Variants in WDR86 observed in about 807,000 individuals in gnomAD.
WDR86 encodes WD repeat domain 86.
Under a neutral mutation model 36.5 loss-of-function variants are expected in WDR86, and 30 were observed. That is an observed-to-expected ratio of 0.82 (90% CI 0.61 to 1.11). WDR86 has a LOEUF of 1.11. Among genes scored for constraint, WDR86 ranks in the 50% most tolerant of loss-of-function variants. The probability of loss-of-function intolerance (pLI) is 0.00; values close to 1 mark genes in which losing one functional copy is unlikely to be tolerated. For missense variants in WDR86, 545 were observed against 561.2 expected, an observed-to-expected ratio of 0.97 and a Z score of 0.29; for synonymous variants, 255 against 252.9, an observed-to-expected ratio of 1.01 and a Z score of -0.08.
In WDR86 at chr7:151,381,688, A is replaced by C; in HGVS notation, c.1025T>G (p.Val342Gly). 2 of 1,438,776 alleles carry C rather than the reference A, an allele frequency of 1.4e-6. No homozygotes were observed. 89.1% of individuals were successfully genotyped at this position (1,438,776 alleles called of 1,614,324 possible). ...SHDGALRLWD[V>G]RGLRGAPRPP... ...CCGCGGGGCACCTCGGAGCCCGCGC[A>C]CGTCCCAGAGGCGCAGGGCGCCGTC... is the stretch of plus-strand genomic sequence containing the variant. The change falls in exon 6 of 6, where the codon GTG (valine) becomes GGG (glycine). Residue 342 changes from valine (V) to glycine (G), a missense_variant. Transcript: ENST00000334493. This position sits in a 1 kb window ranked among gnomAD's most constrained non-coding sequence, Gnocchi z 4.8.
At chr7:151,380,277 C>G (rs935995818), downstream of WDR86, among the ~76,000 whole-genome samples, 2 of 152,216 alleles carry the variant, frequency 1.3e-5, no homozygotes, top group Non-Finnish European at 2.9e-5. Context: ...CAATCCCTAC[C>G]TGTTCATCCG....
chr7:151,386,454 CCT>C (rs1798987084), intron 3 of WDR86, among the ~76,000 whole-genome samples: 1 of 152,172 alleles, frequency 6.6e-6, no homozygotes, highest in Non-Finnish European at 1.5e-5. Flanking sequence ...AGTCACCTGC[CCT>C]CTCTCAGGCC....
chr7:151,410,635 T>C (rs1801139599), upstream of WDR86: 3 of 152,164 alleles, frequency 2.0e-5, no homozygotes, highest in South Asian at 4.1e-4. Context: ...GCGCCTCTAA[T>C]GGACCCCGGG....
intron 4 of WDR86, 74 bp downstream of exon 4, chr7:151,385,014 C>T (rs1798862122): frequency 6.8e-7 from 1 of 1,472,800 alleles, no homozygotes; most frequent in Non-Finnish European, 9.1e-7. Flanking sequence ...AGGGAAAATC[C>T]CATAGGAAGT....
downstream of WDR86, among the ~76,000 whole-genome samples, chr7:151,379,641 T>C (rs545492302): frequency 6.6e-6 from 1 of 152,302 alleles, no homozygotes; most frequent in Non-Finnish European, 1.5e-5. Flanking sequence ...CAAAGCTCTC[T>C]GTGCAATGGA....
intron 1 of WDR86, among the ~76,000 whole-genome samples, chr7:151,407,300 A>G (rs1410872372): frequency 2.0e-5 from 3 of 152,210 alleles, no homozygotes; most frequent in Admixed American, 6.5e-5. Flanking sequence ...TGAAGGAAGG[A>G]GGCACAGGTG....
At chr7:151,400,948 A>G (rs1342583479) in intron 1 of WDR86, among the ~76,000 whole-genome samples, 1 of 152,232 alleles carries the variant, frequency 6.6e-6, no homozygotes, top group East Asian at 1.9e-4. Flanking sequence ...CCCTTTGCTC[A>G]TTACAATAGT....
At position 151,409,645 on chromosome 7, in the gene WDR86, C is replaced by T; in HGVS notation, c.-56G>A. On this transcript the variant is annotated 5_prime_UTR_variant, in exon 1 of 6. Coordinates refer to ENST00000334493, the MANE Select transcript of WDR86 (RefSeq NM_198285.3). The surrounding 1 kb of genome is among the most constrained non-coding windows in gnomAD (Gnocchi z 5.2). ...CTGCGCCCCGCTAGGGAGGGGCGCCCCGGGGTCCGCGCGGCGGCTCCGTAC... is the reference window on the plus strand; with the variant it reads ...CTGCGCCCCGCTAGGGAGGGGCGCCTCGGGGTCCGCGCGGCGGCTCCGTAC... 7.6e-7 allele frequency: 1 copy of T among 1,318,114 alleles called. No homozygotes were observed. The allele number at this position is 1,318,114 out of a possible 1,614,324, so 81.7% of individuals were successfully genotyped here.
intron 2 of WDR86, 72 bp from the exon 3 acceptor site, chr7:151,396,268 C>A: frequency 2.0e-6 from 3 of 1,536,354 alleles, no homozygotes; most frequent in Non-Finnish European, 1.8e-6. Context: ...TCCCGACATG[C>A]CATGCTCGGC....
At chr7:151,389,118 C>CTTTTTTT (rs34882878) in intron 3 of WDR86, among the ~76,000 whole-genome samples, 9 of 125,574 alleles carry the variant, frequency 7.2e-5, no homozygotes, top group Non-Finnish European at 8.3e-5. Context: ...CTTTTCTTTC[C>CTTTTTTT]TTTTTTTTTT....
intron 1 of WDR86, among the ~76,000 whole-genome samples, chr7:151,403,094 C>T (rs892431211): frequency 3.9e-5 from 6 of 152,268 alleles, no homozygotes; most frequent in Non-Finnish European, 5.9e-5. Flanking sequence ...ATGACACCCA[C>T]TGCGATGGCT....
At chr7:151,374,196 CA>C (rs757021231), downstream of WDR86, 1 of 1,571,654 alleles carries the variant, frequency 6.4e-7, no homozygotes, top group Non-Finnish European at 8.6e-7. Context: ...GCACGCGGCC[CA>C]GCAGGTACTC....
chr7:151,408,940 G>A (rs891220100), intron 1 of WDR86: 2 of 472,138 alleles, frequency 4.2e-6, no homozygotes, highest in Non-Finnish European at 8.8e-6. Flanking sequence ...GTGTGACGAC[G>A]GCACACTTCT....
At chr7:151,383,663 G>A (rs1202435965) in intron 4 of WDR86, among the ~76,000 whole-genome samples, 1 of 152,174 alleles carries the variant, frequency 6.6e-6, no homozygotes. Context: ...GCCCCAGAGG[G>A]GAAGTTTCAT....
At chr7:151,375,317 TG>T (rs1222797515), downstream of WDR86, among the ~76,000 whole-genome samples, 3 of 152,330 alleles carry the variant, frequency 2.0e-5, no homozygotes, top group East Asian at 3.9e-4. Context: ...AAGGGACTGA[TG>T]GGTCTCAAAA....
intron 1 of WDR86, among the ~76,000 whole-genome samples, chr7:151,404,223 A>C (rs1346217304): frequency 6.7e-6 from 1 of 148,618 alleles, no homozygotes; most frequent in African/African-American, 2.4e-5. Context: ...GATGAAAGGA[A>C]GGTTTAAAAA....
At chr7:151,400,845 G>A (rs1449944105) in intron 1 of WDR86, among the ~76,000 whole-genome samples, 1 of 152,240 alleles carries the variant, frequency 6.6e-6, no homozygotes, top group Non-Finnish European at 1.5e-5. Flanking sequence ...CATTCGCACT[G>A]CAGGCAAGCT....
chr7:151,385,658 G>A (rs989380376), intron 3 of WDR86, among the ~76,000 whole-genome samples: 1 of 152,196 alleles, frequency 6.6e-6, no homozygotes, highest in Non-Finnish European at 1.5e-5. Context: ...AGCCCTGAGC[G>A]AGGGTGTGAG....
At chr7:151,394,182 C>T (rs1585020654) in intron 3 of WDR86, among the ~76,000 whole-genome samples, 1 of 152,278 alleles carries the variant, frequency 6.6e-6, no homozygotes. Context: ...GCTTCTTTGT[C>T]CACCCATCCC....
Sources: gnomAD v4.1 joint callset for allele counts (sites outside exome capture counted in the v4.1 genomes callset) on GRCh38, gnomAD v4.1.1 for gene constraint, Gnocchi (gnomAD v3.1) non-coding constraint, MANE v1.5 for transcripts, NCBI Gene and HGNC (gene_info 2026-07-23, HGNC 2026-07-21) for gene names.